The following PRDM11 variants were observed in gnomAD, a reference collection of about 807,000 sequenced individuals.
PRDM11 encodes PR/SET domain 11.
In PRDM11, 20 loss-of-function variants were observed where a neutral mutation model predicts 97.8. The observed-to-expected ratio is 0.20, with a 90% CI of 0.14 to 0.30. The LOEUF (loss-of-function observed/expected upper bound fraction) is 0.30. Ranked by LOEUF, PRDM11 falls within the 10% of genes least tolerant of loss-of-function variation. The pLI is 1.00. For synonymous variants in PRDM11, 599 were observed against 637.7 expected, an observed-to-expected ratio of 0.94 and a Z score of 0.91; for missense variants, 1,139 against 1,555.2, an observed-to-expected ratio of 0.73 and a Z score of 4.50.
intron 1 of PRDM11, among the ~76,000 whole-genome samples, chr11:45,098,992 C>A: frequency 6.6e-6 from 1 of 152,052 alleles, no homozygotes; most frequent in East Asian, 1.9e-4. Context: ...TGGAAAATGG[C>A]TGATAGTGTA....
chr11:45,118,774 T>C (rs1416840918), intron 1 of PRDM11, among the ~76,000 whole-genome samples: 1 of 152,254 alleles, frequency 6.6e-6, no homozygotes, highest in Non-Finnish European at 1.5e-5. Context: ...CAAAATGTTT[T>C]TCCTCCAAAA....
At chr11:45,106,094 C>T (rs578242577) in intron 1 of PRDM11, among the ~76,000 whole-genome samples, 84 of 152,338 alleles carry the variant, frequency 5.5e-4, no homozygotes, top group African/African-American at 2.0e-3. Flanking sequence ...CTGAACTTCC[C>T]CCACCTGAGA....
At chr11:45,220,119 T>C (rs960670048) in intron 6 of PRDM11, among the ~76,000 whole-genome samples, 1 of 152,190 alleles carries the variant, frequency 6.6e-6, no homozygotes, top group African/African-American at 2.4e-5. Flanking sequence ...ATCGTAATAA[T>C]AGGTAACATT....
intron 1 of PRDM11, among the ~76,000 whole-genome samples, chr11:45,114,564 A>G (rs1032601665): frequency 2.0e-5 from 3 of 152,166 alleles, no homozygotes; most frequent in East Asian, 1.9e-4. Flanking sequence ...CACAACTTAT[A>G]TACTCAATAA....
rs1854414399 is a variant in PRDM11 at position 45,232,374 on chromosome 11, G to T, written c.*4215G>T. The T allele has an allele frequency of 6.6e-6, 1 of 152,312 alleles. No individual in the cohort carries two copies. The highest frequency in any genetic ancestry group is 2.4e-5 in the African/African-American group (1 of 41,444). 9.4% of individuals were successfully genotyped at this position (152,312 alleles called of 1,614,324 possible). On this transcript the variant is annotated 3_prime_UTR_variant, in exon 8 of 8. Transcript: ENST00000683152. ...TTCATTTTCCTTCTACCCCCTCTAG[G>T]AATGGGAGTTCTAGACCTAGGTCTG... is the stretch of plus-strand genomic sequence containing the variant.
At chr11:45,203,429 TA>T (rs972308956) in intron 4 of PRDM11, among the ~76,000 whole-genome samples, 32 of 142,246 alleles carry the variant, frequency 2.2e-4, no homozygotes, top group South Asian at 4.5e-4. Flanking sequence ...AGGTACTCAT[TA>T]AAAAAAAAAA....
Position 45,227,010 on chromosome 11 carries a change from C to T in PRDM11, c.2385C>T (p.Tyr795=). The T allele has an allele frequency of 6.5e-7, 1 of 1,533,934 alleles. No individual in the cohort carries two copies. The highest frequency in any genetic ancestry group is 8.7e-7 in the Non-Finnish European group (1 of 1,146,724). Residue 795 remains tyrosine (Y), a synonymous_variant, in exon 8 of 8, where the codon TAC becomes TAT. Coordinates refer to ENST00000683152, the MANE Select transcript of PRDM11 (RefSeq NM_001384648.1). The surrounding 1 kb of genome is among the most constrained non-coding windows in gnomAD (Gnocchi z 8.0). ...ENNLKQLLSF[Y]RYSPRLMCEL... ...ACCTGAAGCAGCTGCTGAGCTTCTA[C>T]CGCTACTCACCGCGCCTCATGTGCG...
chr11:45,161,647 C>A (rs758277715), intron 1 of PRDM11, among the ~76,000 whole-genome samples: 2 of 152,248 alleles, frequency 1.3e-5, no homozygotes, highest in Non-Finnish European at 2.9e-5. Context: ...AGTCCCGGGA[C>A]GGCTCTGGGC....
At chr11:45,225,166 C>T (rs1590478898) in intron 7 of PRDM11, 1 of 1,316,674 alleles carries the variant, frequency 7.6e-7, no homozygotes, top group African/African-American at 1.5e-5. Context: ...AATTTCTAAA[C>T]CCAGTCTTTC....
At position 45,101,288 on chromosome 11, in the gene PRDM11, G is replaced by A. The variant is rs545080731; in HGVS notation, c.96+5387G>A. On this transcript the variant is annotated intron_variant, in intron 1 of 6. Coordinates refer to the PRDM11 transcript ENST00000530656. ...CAAAAGAAGGTATTTGGCCGGTCAT[G>A]GGCTCACGCCTGTAATCCCAACACT... Among the ~76,000 whole-genome samples the A allele has an allele frequency of 3.1e-4, 47 of 152,202 alleles. No individual in the cohort carries two copies. The South Asian group carries it at 3.5e-3, about 11-fold the overall frequency.
chr11:45,180,371 T>TGTC (rs1390990252), intron 1 of PRDM11, among the ~76,000 whole-genome samples: 4 of 152,000 alleles, frequency 2.6e-5, no homozygotes, highest in Admixed American at 1.3e-4. Flanking sequence ...GCGCAGGCCC[T>TGTC]GTCGTCGCCG....
At chr11:45,095,848 G>C (rs746021630) in exon 1 of PRDM11, 3 of 778,828 alleles carry the variant, frequency 3.9e-6, no homozygotes, top group Non-Finnish European at 7.2e-6. Context: ...GATGATCGTG[G>C]AGTGCCGGGC....
chr11:45,214,251 G>A (rs995999567), intron 5 of PRDM11: 6 of 157,680 alleles, frequency 3.8e-5, no homozygotes, highest in Admixed American at 1.8e-4. Flanking sequence ...TGGGTTCTTA[G>A]CATTAGAGAG....
chr11:45,115,741 C>T (rs934444941), intron 1 of PRDM11, among the ~76,000 whole-genome samples: 4 of 151,812 alleles, frequency 2.6e-5, no homozygotes, highest in Admixed American at 6.6e-5. Context: ...ATCAGCCTGG[C>T]CAACATGGTG....
chr11:45,209,644 G>A (rs1403528890), intron 5 of PRDM11, among the ~76,000 whole-genome samples: 1 of 152,178 alleles, frequency 6.6e-6, no homozygotes, highest in Non-Finnish European at 1.5e-5. Flanking sequence ...GAGGACACAG[G>A]AGTCCAGGAG....
chr11:45,188,614 G>A (rs770800076), intron 4 of PRDM11, among the ~76,000 whole-genome samples: 7 of 152,246 alleles, frequency 4.6e-5, no homozygotes, highest in African/African-American at 1.7e-4. Flanking sequence ...ATAATGGACC[G>A]AATGGCCATT....
chr11:45,111,505 T>G (rs1457752653), intron 1 of PRDM11, among the ~76,000 whole-genome samples: 2 of 152,144 alleles, frequency 1.3e-5, no homozygotes, highest in African/African-American at 4.8e-5. Flanking sequence ...AACACTCAGT[T>G]AAGGTTCTGC....
chr11:45,180,811 G>A (rs974370174), intron 1 of PRDM11, among the ~76,000 whole-genome samples: 2 of 151,086 alleles, frequency 1.3e-5, no homozygotes, highest in Admixed American at 6.6e-5. Flanking sequence ...GGCGGCCACG[G>A]GGCAGGGGGC....
chr11:45,183,026 G>A lies in PRDM11; in HGVS notation c.389G>A (p.Arg130Gln), dbSNP rs759047235. 3.1e-6 allele frequency: 5 copies of A among 1,614,028 alleles called. No homozygotes were observed. The highest frequency in any genetic ancestry group is 2.2e-5 in the East Asian group (1 of 44,878). Residue 130 changes from arginine (R) to glutamine (Q), a missense_variant, in exon 4 of 8, where the codon CGA becomes CAA. Physicochemically the swap from Arg to Gln is conservative, Grantham distance 43. This residue lies in a region of PRDM11 where 429 missense variants were observed against 510.3 expected (regional missense o/e 0.84). Coordinates refer to ENST00000683152, the MANE Select transcript of PRDM11 (RefSeq NM_001384648.1). Reference protein sequence around the residue: ...VKDTSGESDVRCVNEVIPKGH... With the variant: ...VKDTSGESDVQCVNEVIPKGH... ...GACACTAGTGGAGAGAGTGACGTGC[G>A]ATGTGTAAACGAGGTCATCCCCAAG... is the stretch of plus-strand genomic sequence containing the variant.
Sources: allele counts gnomAD v4.1 joint callset (sites outside exome capture counted in the v4.1 genomes callset), GRCh38; gene constraint gnomAD v4.1.1; regional missense constraint gnomAD v4.1.1; non-coding constraint Gnocchi (gnomAD v3.1); transcripts MANE v1.5; gene names NCBI Gene and HGNC (gene_info 2026-07-23, HGNC 2026-07-21).